The following NTNG1 variants were observed in gnomAD, a reference collection of about 807,000 sequenced individuals.
NTNG1 encodes the protein netrin-G1.
Under a neutral mutation model 54.0 loss-of-function variants are expected in NTNG1, and 16 were observed. That is an observed-to-expected ratio of 0.30 (90% CI 0.20 to 0.45). NTNG1 has a LOEUF of 0.45. NTNG1 is among the 20% of genes least tolerant of loss of function. The pLI, the probability that NTNG1 is intolerant of heterozygous loss-of-function variation, is 1.00. For synonymous variants in NTNG1, 255 were observed against 263.1 expected (o/e 0.97, Z 0.30); for missense variants, 530 against 678.7 (o/e 0.78, Z 2.43).
intron 7 of NTNG1, among the ~76,000 whole-genome samples, chr1:107,470,886 T>C (rs751341821): frequency 6.6e-6 from 1 of 152,202 alleles, no homozygotes; most frequent in Non-Finnish European, 1.5e-5. Context: ...AGTAAATTAA[T>C]TCTTTCTCGA....
rs375488143 is a variant in NTNG1, at chr1:107,430,872, T to C, written c.1210T>C (p.Phe404Leu). 1.2e-6 allele frequency: 2 copies of C among 1,613,148 alleles called. No individual in the cohort carries two copies. Among genetic ancestry groups the C allele is most frequent in the Non-Finnish European group, 1.7e-6 (2 of 1,179,538 alleles). Residue 404 changes from phenylalanine to leucine, a missense_variant, in exon 6 of 8, where the codon TTC becomes CTC. Physicochemically the swap from Phe to Leu is conservative, Grantham distance 22. Around this residue, in one of 2 missense-constraint regions of NTNG1, gnomAD observed 212 missense variants for 213.6 expected, o/e 0.99. Coordinates refer to ENST00000370068, the MANE Select transcript of NTNG1 (RefSeq NM_001113226.3). The part of the protein sequence containing the change: ...QHCELCRLGY[F>L]RNASAQLDDE... ...CTGTGAGTTATGCAGGCTGGGCTAC[T>C]TCAGAAATGCTTCTGCACAACTGGA...
At chr1:107,300,994 T>G (rs1279915685) in intron 2 of NTNG1, among the ~76,000 whole-genome samples, 1 of 152,142 alleles carries the variant, frequency 6.6e-6, no homozygotes. Flanking sequence ...TCTTTTTTTC[T>G]ACCTAAAAGC....
chr1:107,241,444 T>C (rs1661820913), intron 2 of NTNG1, among the ~76,000 whole-genome samples: 1 of 152,220 alleles, frequency 6.6e-6, no homozygotes. Context: ...GTTAATGTTC[T>C]GTATAATGTC....
rs1185549649 is a variant in NTNG1 at position 107,484,209 on chromosome 1, A to C, written c.*3369A>C. ...GGAGTGTTCACTGTGGAATTTACAC[A>C]CAAGCAAGGAGAAGCCACTTGCCAT... On this transcript the variant is annotated 3_prime_UTR_variant, in exon 8 of 8. Coordinates refer to ENST00000370068, the MANE Select transcript of NTNG1 (RefSeq NM_001113226.3). 1.3e-5 allele frequency among the ~76,000 whole-genome samples: 2 copies of C among 152,186 alleles called. No homozygotes were observed. The highest frequency in any genetic ancestry group is 2.9e-5 in the Non-Finnish European group (2 of 68,030).
At chr1:107,386,157 ATATATATATTT>A in intron 3 of NTNG1, among the ~76,000 whole-genome samples, 1 of 109,162 alleles carries the variant, frequency 9.2e-6, no homozygotes, top group African/African-American at 3.5e-5. Flanking sequence ...GTGTATATAT[ATATATATATTT>A]TTTTTTTTTT....
intron 2 of NTNG1, among the ~76,000 whole-genome samples, chr1:107,179,379 T>A (rs1397290504): frequency 6.6e-6 from 1 of 152,184 alleles, no homozygotes; most frequent in African/African-American, 2.4e-5. Context: ...ATCTCAGTTG[T>A]TTTTATCTGT....
In NTNG1 at chr1:107,195,345, T is replaced by A. The variant is rs532684235; in HGVS notation, c.246+46506T>A. 8.5e-5 allele frequency among the ~76,000 whole-genome samples: 13 copies of A among 152,146 alleles called. No homozygotes were observed. In the South Asian group the frequency reaches 2.7e-3, roughly 32 times the overall value. On this transcript the variant is annotated intron_variant, in intron 2 of 7. Coordinates refer to ENST00000370068, the MANE Select transcript of NTNG1 (RefSeq NM_001113226.3). ...GCTGCCATCCTGCTCCTAGTCATCATCACCATTATCTGGATTGCTGCAATG... is the reference window on the plus strand; with the variant it reads ...GCTGCCATCCTGCTCCTAGTCATCAACACCATTATCTGGATTGCTGCAATG...
chr1:107,305,155 G>T (rs979883786), intron 2 of NTNG1, among the ~76,000 whole-genome samples: 1 of 152,124 alleles, frequency 6.6e-6, no homozygotes, highest in African/African-American at 2.4e-5. Flanking sequence ...ATTTGGGTTG[G>T]TTCCACATCT....
chr1:107,211,504 C>G (rs1659595722), intron 2 of NTNG1, among the ~76,000 whole-genome samples: 1 of 152,046 alleles, frequency 6.6e-6, no homozygotes. Flanking sequence ...TTACTTGACC[C>G]TTTGAAATAT....
At chr1:107,158,288 A>G (rs927497512) in intron 2 of NTNG1, among the ~76,000 whole-genome samples, 3 of 152,206 alleles carry the variant, frequency 2.0e-5, no homozygotes, top group African/African-American at 4.8e-5. Context: ...TTTCATAAGC[A>G]TAAGATTGGA....
At chr1:107,251,980 C>T (rs1411479452) in intron 2 of NTNG1, among the ~76,000 whole-genome samples, 3 of 152,096 alleles carry the variant, frequency 2.0e-5, no homozygotes, top group Non-Finnish European at 4.4e-5. Context: ...CTGGAACCAG[C>T]CTCCATGGTT....
intron 2 of NTNG1, among the ~76,000 whole-genome samples, chr1:107,275,307 G>A (rs1227889433): frequency 1.3e-5 from 2 of 152,180 alleles, no homozygotes; most frequent in African/African-American, 2.4e-5. Context: ...AATCCGGGAG[G>A]TGGAGGTTGT....
chr1:107,337,073 C>T lies in NTNG1; in HGVS notation c.887+12151C>T, dbSNP rs561981607. ...TGTGGCGATTACTCAAAAAACTAAA[C>T]ATAAAATTGCCATATGATCCAGGAA... On this transcript the variant is annotated intron_variant, in intron 3 of 7. Transcript: ENST00000370068. 3.3e-5 allele frequency among the ~76,000 whole-genome samples: 5 copies of T among 152,046 alleles called. No individual in the cohort carries two copies. The East Asian group carries it at 7.8e-4, about 24-fold the overall frequency.
intron 2 of NTNG1, among the ~76,000 whole-genome samples, chr1:107,286,111 T>C (rs1665182806): frequency 1.3e-5 from 2 of 152,282 alleles, no homozygotes; most frequent in South Asian, 4.1e-4. Flanking sequence ...GAGCTATTTC[T>C]ATTGTAACTT....
rs368019025 is a variant in NTNG1, at chr1:107,269,573, A to G, written c.247-54709A>G. On this transcript the variant is annotated intron_variant, in intron 2 of 7. Transcript: ENST00000370068. The stretch of plus-strand genomic sequence containing the variant: ...TTCCCATCATTTGTCTTTATCCCCA[A>G]TACCTAGAATAACATCTGATACATG... Among the ~76,000 whole-genome samples the G allele has an allele frequency of 5.9e-5, 9 of 152,318 alleles. 1 individual carries two copies. Among genetic ancestry groups the G allele is most frequent in the African/African-American group, 2.2e-4 (9 of 41,570 alleles).
intron 2 of NTNG1, among the ~76,000 whole-genome samples, chr1:107,159,129 A>G (rs1040361389): frequency 2.6e-5 from 4 of 152,172 alleles, no homozygotes; most frequent in Non-Finnish European, 5.9e-5. Context: ...CTTACAGAAG[A>G]AGATGTGTGC....
chr1:107,398,167 AGC>A (rs1240888985), intron 4 of NTNG1, among the ~76,000 whole-genome samples: 1 of 152,194 alleles, frequency 6.6e-6, no homozygotes, highest in East Asian at 1.9e-4. Context: ...AATATCAAGT[AGC>A]CAGGATATTT....
At chr1:107,477,091 G>C (rs1678377777) in intron 7 of NTNG1, among the ~76,000 whole-genome samples, 1 of 152,196 alleles carries the variant, frequency 6.6e-6, no homozygotes, top group African/African-American at 2.4e-5. Context: ...AAAGAGGATT[G>C]AGTTATCAGA....
At chr1:107,404,352 A>G (rs918614259) in intron 4 of NTNG1, among the ~76,000 whole-genome samples, 1 of 152,130 alleles carries the variant, frequency 6.6e-6, no homozygotes, top group African/African-American at 2.4e-5. Context: ...AGTTTCATGG[A>G]AGGCAAAGTG....
Sources: gnomAD v4.1 joint callset for allele counts (sites outside exome capture counted in the v4.1 genomes callset) on GRCh38, gnomAD v4.1.1 for gene constraint, gnomAD v4.1.1 regional missense constraint, MANE v1.5 for transcripts, NCBI Gene and HGNC (gene_info 2026-07-23, HGNC 2026-07-21) for gene names.